The following MEGF9 variants were observed in gnomAD, a reference collection of about 807,000 sequenced individuals.
MEGF9 encodes the protein multiple EGF like domains 9, also known as multiple epidermal growth factor-like domains protein 9.
In MEGF9, 6 loss-of-function variants were observed where a neutral mutation model predicts 46.8. The ratio of observed to expected loss-of-function variants is 0.13; its 90% CI spans 0.07 to 0.25. The LOEUF (loss-of-function observed/expected upper bound fraction) is 0.25. Ranked by LOEUF, MEGF9 falls within the 10% of genes least tolerant of loss-of-function variation. The probability of loss-of-function intolerance (pLI) is 1.00; values close to 1 mark genes in which losing one functional copy is unlikely to be tolerated. For synonymous variants in MEGF9, 302 were observed against 330.7 expected (o/e 0.91, Z 0.94); for missense variants, 683 against 792.4 (o/e 0.86, Z 1.66).
intron 2 of MEGF9, among the ~76,000 whole-genome samples, chr9:120,628,118 C>G (rs79866993): frequency 0.033 from 5,041 of 152,008 alleles, 263 homozygotes; most frequent in African/African-American, 0.11. Context: ...TTTCCAACTA[C>G]AAAAAGGTTT....
At chr9:120,608,544 T>C (rs1359328) in intron 4 of MEGF9, among the ~76,000 whole-genome samples, 112,204 of 152,096 alleles carry the variant, frequency 0.74, 41,724 homozygotes, top group Admixed American at 0.82. Flanking sequence ...CTCTGCTCAT[T>C]TTCCATGGGT....
chr9:120,658,430 C>G (rs1211417748), intron 2 of MEGF9, among the ~76,000 whole-genome samples: 1 of 152,240 alleles, frequency 6.6e-6, no homozygotes, highest in East Asian at 1.9e-4. Flanking sequence ...CATGTTCTCT[C>G]ATTTCAGTCC....
chr9:120,656,898 A>G (rs976404846), intron 2 of MEGF9, among the ~76,000 whole-genome samples: 1 of 152,164 alleles, frequency 6.6e-6, no homozygotes, highest in Admixed American at 6.5e-5. Context: ...GCCTGGGTAT[A>G]CGGTGCGACT....
At chr9:120,627,755 G>A (rs1035570292) in intron 2 of MEGF9, among the ~76,000 whole-genome samples, 20 of 152,140 alleles carry the variant, frequency 1.3e-4, no homozygotes, top group African/African-American at 1.4e-4. Flanking sequence ...GAGCCACTGC[G>A]CCCAGCCCAT....
chr9:120,648,007 C>G (rs145807090), intron 2 of MEGF9, among the ~76,000 whole-genome samples: 2 of 152,202 alleles, frequency 1.3e-5, no homozygotes, highest in East Asian at 3.9e-4. Context: ...CTTAAATTCT[C>G]TCATTTCCAG....
At chr9:120,653,623 C>G (rs1587985339) in intron 2 of MEGF9, among the ~76,000 whole-genome samples, 1 of 152,278 alleles carries the variant, frequency 6.6e-6, no homozygotes, top group East Asian at 1.9e-4. Flanking sequence ...CCACCCACCT[C>G]AGCTTCCCAA....
At chr9:120,642,365 T>C (rs1270938174) in intron 2 of MEGF9, among the ~76,000 whole-genome samples, 1 of 152,214 alleles carries the variant, frequency 6.6e-6, no homozygotes, top group African/African-American at 2.4e-5. Context: ...TTGCCTATTC[T>C]ATTTCAGGGT....
chr9:120,699,698 G>A (rs1365719859), intron 1 of MEGF9, among the ~76,000 whole-genome samples: 6 of 148,164 alleles, frequency 4.0e-5, no homozygotes, highest in South Asian at 2.1e-4. Flanking sequence ...ACTCTAACCC[G>A]GGTGAAAGAG....
chr9:120,659,317 CT>C (rs1029125765), intron 2 of MEGF9, 56 bp downstream of exon 2: 112 of 1,493,526 alleles, frequency 7.5e-5, no homozygotes, highest in South Asian at 1.8e-4. Context: ...GAGTAGCAGC[CT>C]TTTTTTTCCC....
chr9:120,671,508 A>C (rs139098035), intron 1 of MEGF9, among the ~76,000 whole-genome samples: 1 of 152,240 alleles, frequency 6.6e-6, no homozygotes, highest in East Asian at 1.9e-4. Context: ...TATGCACATA[A>C]ATTCAACAAC....
chr9:120,692,058 T>G (rs2043850855), intron 1 of MEGF9, among the ~76,000 whole-genome samples: 1 of 152,216 alleles, frequency 6.6e-6, no homozygotes, highest in Admixed American at 6.5e-5. Flanking sequence ...AGGTAAGGAC[T>G]GAAAGTGAAA....
intron 1 of MEGF9, among the ~76,000 whole-genome samples, chr9:120,711,067 A>C (rs2043950761): frequency 6.6e-6 from 1 of 152,266 alleles, no homozygotes; most frequent in Non-Finnish European, 1.5e-5. Context: ...AACAGTTCAG[A>C]TGACAAATAT....
rs759696498 is a variant in MEGF9, at chr9:120,659,554, A to G, written c.623T>C (p.Val208Ala). ...GCGATTCACATTCAGGCTTCCAACC[A>G]CAGAGCAGTTACATACATACTCTGC... ...PPPEYVCNCS[V>A]VGSLNVNRCN... Residue 208 changes from valine to alanine, a missense_variant, in exon 2 of 6, where the codon GTG (valine) becomes GCG (alanine). Coordinates refer to ENST00000373930, the MANE Select transcript of MEGF9 (RefSeq NM_001080497.3). 3.1e-6 allele frequency: 5 copies of G among 1,612,560 alleles called. No individual in the cohort carries two copies. The highest frequency in any genetic ancestry group is 4.2e-6 in the Non-Finnish European group (5 of 1,179,326).
At chr9:120,637,610 G>A (rs2043583846) in intron 2 of MEGF9, among the ~76,000 whole-genome samples, 2 of 151,170 alleles carry the variant, frequency 1.3e-5, no homozygotes, top group South Asian at 4.2e-4. Context: ...TGGCCAAGAT[G>A]GTGTTACCCC....
intron 2 of MEGF9, among the ~76,000 whole-genome samples, chr9:120,634,072 T>A (rs1159934633): frequency 1.3e-5 from 2 of 152,238 alleles, no homozygotes; most frequent in Non-Finnish European, 2.9e-5. Context: ...AGCTTTTGGA[T>A]TAAATGTTCT....
At chr9:120,632,252 G>C (rs975363912) in intron 2 of MEGF9, among the ~76,000 whole-genome samples, 1 of 151,214 alleles carries the variant, frequency 6.6e-6, no homozygotes, top group Non-Finnish European at 1.5e-5. Flanking sequence ...TTTTTTAAAT[G>C]TCCTAATCAA....
chr9:120,681,793 G>T (rs2043799768), intron 1 of MEGF9, among the ~76,000 whole-genome samples: 1 of 152,146 alleles, frequency 6.6e-6, no homozygotes, highest in African/African-American at 2.4e-5. Context: ...AGTCCAAGGG[G>T]AGGCAGGGAC....
intron 1 of MEGF9, among the ~76,000 whole-genome samples, chr9:120,697,865 G>A (rs2043885416): frequency 6.6e-6 from 1 of 152,034 alleles, no homozygotes; most frequent in Non-Finnish European, 1.5e-5. Flanking sequence ...GGGGAGGATA[G>A]GGGAGGTGAA....
At chr9:120,690,941 CAATA>C (rs2043845317) in intron 1 of MEGF9, among the ~76,000 whole-genome samples, 1 of 152,058 alleles carries the variant, frequency 6.6e-6, no homozygotes, top group Non-Finnish European at 1.5e-5. Flanking sequence ...TTATTGAACT[CAATA>C]AATATGTATG....
Sources: allele counts gnomAD v4.1 joint callset (sites outside exome capture counted in the v4.1 genomes callset), GRCh38; gene constraint gnomAD v4.1.1; transcripts MANE v1.5; gene names NCBI Gene and HGNC (gene_info 2026-07-23, HGNC 2026-07-21).